Variants in LRFN5 observed in about 807,000 individuals in gnomAD.
LRFN5 encodes leucine-rich repeat and fibronectin type-III domain-containing protein 5.
In LRFN5, 24 loss-of-function variants were observed where a neutral mutation model predicts 45.6. The observed-to-expected ratio is 0.53, with a 90% CI of 0.38 to 0.74. LRFN5 has a LOEUF of 0.74. Ranked by LOEUF, LRFN5 falls within the 30% of genes least tolerant of loss-of-function variation. The probability of loss-of-function intolerance (pLI) is 0.00; values close to 1 mark genes in which losing one functional copy is unlikely to be tolerated. For missense variants in LRFN5, 776 were observed against 861.5 expected (o/e 0.90, Z 1.24); for synonymous variants, 340 against 313.8 (o/e 1.08, Z -0.88).
chr14:41,733,014 T>C (rs1024429330), intron 1 of LRFN5, among the ~76,000 whole-genome samples: 14 of 150,462 alleles, frequency 9.3e-5, no homozygotes, highest in African/African-American at 2.7e-4. Flanking sequence ...AACTTGAAGA[T>C]AGAGCATTAA....
intron 2 of LRFN5, among the ~76,000 whole-genome samples, chr14:41,816,907 CAT>C (rs61435379): frequency 0.014 from 2,151 of 151,274 alleles, 48 homozygotes; most frequent in African/African-American, 0.05. Flanking sequence ...CTGTGACACA[CAT>C]GTTATACCAT....
At chr14:41,624,025 A>C (rs1340299448) in intron 1 of LRFN5, among the ~76,000 whole-genome samples, 2 of 152,118 alleles carry the variant, frequency 1.3e-5, no homozygotes, top group Non-Finnish European at 2.9e-5. Flanking sequence ...TTACATGTGC[A>C]GAAATAATCT....
intron 1 of LRFN5, among the ~76,000 whole-genome samples, chr14:41,670,880 T>A (rs915641012): frequency 1.3e-5 from 2 of 152,072 alleles, no homozygotes; most frequent in African/African-American, 4.8e-5. Flanking sequence ...CTATTATTTC[T>A]TATATGTTCT....
At chr14:41,807,892 C>T (rs1018007098) in intron 2 of LRFN5, among the ~76,000 whole-genome samples, 47 of 151,882 alleles carry the variant, frequency 3.1e-4, no homozygotes, top group African/African-American at 8.0e-4. Flanking sequence ...TTGAGGCTGA[C>T]GCCATCGAAG....
At chr14:41,647,888 C>G (rs1879894092) in intron 1 of LRFN5, among the ~76,000 whole-genome samples, 1 of 152,028 alleles carries the variant, frequency 6.6e-6, no homozygotes. Context: ...ACAGGAGAGA[C>G]AATATCTAAA....
At chr14:41,759,212 A>G (rs1885542441) in intron 1 of LRFN5, among the ~76,000 whole-genome samples, 2 of 152,008 alleles carry the variant, frequency 1.3e-5, no homozygotes, top group African/African-American at 4.8e-5. Context: ...GCTTGTAGAT[A>G]TTTCTCACAC....
At chr14:41,836,399 G>A (rs1226713443) in intron 2 of LRFN5, among the ~76,000 whole-genome samples, 1 of 152,120 alleles carries the variant, frequency 6.6e-6, no homozygotes, top group African/African-American at 2.4e-5. Context: ...TGATATACAT[G>A]TATATACATA....
chr14:41,895,919 A>C (rs1199285530), intron 4 of LRFN5, among the ~76,000 whole-genome samples: 1 of 152,144 alleles, frequency 6.6e-6, no homozygotes, highest in Non-Finnish European at 1.5e-5. Context: ...ACAATTAAAA[A>C]ACATAAATGT....
At chr14:41,681,442 T>C (rs1881876756) in intron 1 of LRFN5, among the ~76,000 whole-genome samples, 1 of 152,164 alleles carries the variant, frequency 6.6e-6, no homozygotes, top group African/African-American at 2.4e-5. Flanking sequence ...GGATACCTTA[T>C]AGGCCAGGGG....
chr14:41,830,119 T>C (rs1888430783), intron 2 of LRFN5, among the ~76,000 whole-genome samples: 1 of 151,608 alleles, frequency 6.6e-6, no homozygotes, highest in East Asian at 1.9e-4. Flanking sequence ...ACTTGTATTA[T>C]AAATCTTATA....
At chr14:41,737,980 C>A (rs185679398) in intron 1 of LRFN5, among the ~76,000 whole-genome samples, 1 of 151,932 alleles carries the variant, frequency 6.6e-6, no homozygotes, top group African/African-American at 2.4e-5. Flanking sequence ...ATATTCTTCA[C>A]GGAATTAGAA....
chr14:41,621,551 T>C (rs1047645488), intron 1 of LRFN5, among the ~76,000 whole-genome samples: 5 of 152,136 alleles, frequency 3.3e-5, no homozygotes, highest in African/African-American at 9.7e-5. Context: ...ACAGGTGGAA[T>C]TATATGACGG....
In LRFN5 at chr14:41,876,040, C is replaced by T. The variant is rs550629278; in HGVS notation, c.-20-10566C>T. Among the ~76,000 whole-genome samples the T allele has an allele frequency of 3.3e-5, 5 of 152,214 alleles. No homozygotes were observed. In the South Asian group the frequency reaches 8.3e-4, roughly 25 times the overall value. On this transcript the variant is annotated intron_variant, in intron 2 of 5. Transcript: ENST00000298119. ...ATATGTATACATGTAAGGGAGATATCCCCCTCTGTAACCTAGCACTAAATC... is the reference window on the plus strand; with the variant it reads ...ATATGTATACATGTAAGGGAGATATTCCCCTCTGTAACCTAGCACTAAATC...
At chr14:41,853,733 G>A (rs1889354656) in intron 2 of LRFN5, among the ~76,000 whole-genome samples, 1 of 151,996 alleles carries the variant, frequency 6.6e-6, no homozygotes, top group South Asian at 2.1e-4. Flanking sequence ...AAAACCATGG[G>A]GAATGGTGAG....
At chr14:41,661,563 G>A (rs1880654687) in intron 1 of LRFN5, among the ~76,000 whole-genome samples, 1 of 152,036 alleles carries the variant, frequency 6.6e-6, no homozygotes, top group South Asian at 2.1e-4. Context: ...CATTTAGCTG[G>A]GCCCTATGAC....
chr14:41,797,928 T>C (rs1233335644), intron 2 of LRFN5, among the ~76,000 whole-genome samples: 6 of 151,984 alleles, frequency 3.9e-5, no homozygotes, highest in Non-Finnish European at 8.8e-5. Flanking sequence ...TTGGTTTTAT[T>C]TTTTAAATAT....
intron 5 of LRFN5, among the ~76,000 whole-genome samples, chr14:41,899,657 A>C (rs1483288341): frequency 1.3e-5 from 2 of 152,134 alleles, no homozygotes; most frequent in Non-Finnish European, 2.9e-5. Flanking sequence ...CACACACACA[A>C]AAATTCTGCT....
At position 41,830,425 on chromosome 14, in the gene LRFN5, T is replaced by A. The variant is rs538565645; in HGVS notation, c.-20-56181T>A. Among the ~76,000 whole-genome samples the A allele has an allele frequency of 1.8e-4, 28 of 152,352 alleles. No individual in the cohort carries two copies. In the South Asian group the frequency reaches 5.6e-3, roughly 30 times the overall value. On this transcript the variant is annotated intron_variant, in intron 2 of 5. Transcript: ENST00000298119. ...ATATTTAAAGGGTTTTATTAATGTT[T>A]CCCATCAGCTTTATCTTTGATTTCA...
intron 1 of LRFN5, among the ~76,000 whole-genome samples, chr14:41,640,383 G>A (rs367642909): frequency 2.0e-5 from 3 of 152,024 alleles, no homozygotes; most frequent in East Asian, 1.9e-4. Context: ...AGTAATGGAC[G>A]TCAAAGAACC....
Sources: gnomAD v4.1 joint callset for allele counts (sites outside exome capture counted in the v4.1 genomes callset) on GRCh38, gnomAD v4.1.1 for gene constraint, MANE v1.5 for transcripts, NCBI Gene and HGNC (gene_info 2026-07-23, HGNC 2026-07-21) for gene names.